Variants in VPS13D observed in about 807,000 individuals in gnomAD.
VPS13D encodes the protein intermembrane lipid transfer protein VPS13D.
VPS13D carries 187 observed loss-of-function variants against 461.9 expected under a neutral mutation model. The ratio of observed to expected loss-of-function variants is 0.40; its 90% CI spans 0.36 to 0.46. The LOEUF is 0.46. VPS13D is among the 20% of genes least tolerant of loss of function. The pLI, the probability that VPS13D is intolerant of heterozygous loss-of-function variation, is 0.60. For synonymous variants in VPS13D, 1,951 were observed against 1,986.3 expected (o/e 0.98, Z 0.47); for missense variants, 4,711 against 5,364.9 (o/e 0.88, Z 3.81).
Position 12,278,046 on chromosome 1 carries a change from G to C in VPS13D, c.4450+8G>C. The stretch of plus-strand genomic sequence containing the variant: ...CTTTGCATAGAGGTCAAGGTGAGGA[G>C]CATCAGTCTTTTGTTCTATTTTGTT... On this transcript the variant is annotated splice_region_variant and intron_variant, in intron 19 of 69. Coordinates refer to ENST00000620676, the MANE Select transcript of VPS13D (RefSeq NM_015378.4). 6.3e-7 allele frequency: 1 copy of C among 1,599,154 alleles called. No individual in the cohort carries two copies. The highest frequency in any genetic ancestry group is 8.5e-7 in the Non-Finnish European group (1 of 1,173,268).
chr1:12,330,631 G>A (rs1369896556), intron 37 of VPS13D, among the ~76,000 whole-genome samples: 1 of 151,864 alleles, frequency 6.6e-6, no homozygotes, highest in Non-Finnish European at 1.5e-5. Flanking sequence ...GCAGTGGCAC[G>A]ATCTCGGCTC....
rs766874782 is a variant in VPS13D, at chr1:12,242,623, G to A, written c.175+33G>A. 1.9e-6 allele frequency: 3 copies of A among 1,587,060 alleles called. No individual in the cohort carries two copies. In the South Asian group the frequency reaches 3.3e-5, roughly 18 times the overall value. On this transcript the variant is annotated intron_variant, in intron 3 of 69. Transcript: ENST00000620676. ...GAACTAAAGGAGGGGGAAGAAATTTGAGTCTTAAATTGTTTGAGAGGTGAA... is the reference window on the plus strand; with the variant it reads ...GAACTAAAGGAGGGGGAAGAAATTTAAGTCTTAAATTGTTTGAGAGGTGAA...
chr1:12,284,791 A>G (rs922009059), intron 21 of VPS13D, among the ~76,000 whole-genome samples: 22 of 152,208 alleles, frequency 1.4e-4, no homozygotes, highest in Admixed American at 3.9e-4. Context: ...TCCTCTAGAA[A>G]TGGAAGACAT....
intron 47 of VPS13D, among the ~76,000 whole-genome samples, chr1:12,355,040 G>A (rs891038365): frequency 6.6e-6 from 1 of 152,180 alleles, no homozygotes; most frequent in Admixed American, 6.5e-5. Context: ...AGGAAGTGAC[G>A]TACAGAAATC....
intron 35 of VPS13D, among the ~76,000 whole-genome samples, chr1:12,326,569 A>G (rs1643194432): frequency 6.6e-6 from 1 of 151,804 alleles, no homozygotes; most frequent in Non-Finnish European, 1.5e-5. Flanking sequence ...TTCCTGACCT[A>G]AAGTGATCCC....
At chr1:12,430,672 C>T (rs764697191) in intron 65 of VPS13D, among the ~76,000 whole-genome samples, 5 of 152,226 alleles carry the variant, frequency 3.3e-5, no homozygotes, top group Non-Finnish European at 5.9e-5. Flanking sequence ...ACTAAGCCTT[C>T]TCAGAGGAGA....
At chr1:12,302,527 G>A (rs1365139271) in intron 25 of VPS13D, among the ~76,000 whole-genome samples, 1 of 152,158 alleles carries the variant, frequency 6.6e-6, no homozygotes, top group African/African-American at 2.4e-5. Flanking sequence ...AGAGTTTGTA[G>A]TGTTTTAATG....
Position 12,308,511 on chromosome 1 carries a change from G to C in VPS13D, c.6520G>C (p.Glu2174Gln). ...DIFAAERHPR[E>Q]YSKAPEDSSG... ...CTTTGCTGCAGAGAGACATCCGAGA[G>C]AATACTCGAAGGCACCAGAGGATAG... Residue 2174 changes from glutamate to glutamine, a missense_variant, in exon 27 of 70, where the codon GAA becomes CAA. Glu to Gln is a conservative substitution (Grantham distance 29). Coordinates refer to ENST00000620676, the MANE Select transcript of VPS13D (RefSeq NM_015378.4). 1 of 1,614,124 alleles carries C rather than the reference G, an allele frequency of 6.2e-7. No individual in the cohort carries two copies. The highest frequency in any genetic ancestry group is 8.5e-7 in the Non-Finnish European group (1 of 1,180,020).
At chr1:12,385,866 C>T (rs1644344267) in intron 59 of VPS13D, among the ~76,000 whole-genome samples, 1 of 152,180 alleles carries the variant, frequency 6.6e-6, no homozygotes, top group South Asian at 2.1e-4. Flanking sequence ...TATGAGCTTT[C>T]ATCCCAAATA....
chr1:12,503,848 G>T (rs192850862), intron 68 of VPS13D, among the ~76,000 whole-genome samples: 41 of 152,330 alleles, frequency 2.7e-4, no homozygotes, highest in Admixed American at 2.0e-3. Flanking sequence ...AGAGCCTGGG[G>T]TTGAGACTAC....
rs1557705342 is a variant in VPS13D at position 12,317,396 on chromosome 1, A to G, written c.7149-676A>G. Among the ~76,000 whole-genome samples the G allele has an allele frequency of 2.6e-5, 4 of 152,116 alleles. No homozygotes were observed. In the South Asian group the frequency reaches 8.3e-4, roughly 32 times the overall value. ...TATTTAAGTCTGCGTCTCTGACTTC[A>G]AAGCCTGTGCTCTTTATCATACCAG... On this transcript the variant is annotated intron_variant, in intron 30 of 69. Coordinates refer to ENST00000620676, the MANE Select transcript of VPS13D (RefSeq NM_015378.4).
chr1:12,363,818 T>C (rs956114815), intron 52 of VPS13D, among the ~76,000 whole-genome samples: 6 of 151,474 alleles, frequency 4.0e-5, no homozygotes, highest in African/African-American at 1.5e-4. Flanking sequence ...CTGGGCGTGG[T>C]GGTGTGTGGC....
At chr1:12,481,440 GTAGAGGCAAGACC>G (rs1292714469) in intron 67 of VPS13D, among the ~76,000 whole-genome samples, 4 of 152,166 alleles carry the variant, frequency 2.6e-5, no homozygotes, top group Admixed American at 1.3e-4. Flanking sequence ...TTCCAGGCTT[GTAGAGGCAAGACC>G]TACAGTCCAG....
chr1:12,492,671 G>A lies in VPS13D; in HGVS notation c.12663-4829G>A, dbSNP rs149568366. Among the ~76,000 whole-genome samples, 240 of 152,336 alleles carry A rather than the reference G, an allele frequency of 1.6e-3. 1 individual carries two copies. The highest frequency in any genetic ancestry group is 3.0e-3 in the Non-Finnish European group (204 of 68,032). ...TAGATAGATTCTCAAAGTTCACCAG[G>A]AAACACGTACAGGAATGTTCATAAT... On this transcript the variant is annotated intron_variant, in intron 67 of 69. Coordinates refer to ENST00000620676, the MANE Select transcript of VPS13D (RefSeq NM_015378.4).
intron 36 of VPS13D, among the ~76,000 whole-genome samples, chr1:12,329,108 T>C (rs1331913595): frequency 6.6e-6 from 1 of 152,232 alleles, no homozygotes; most frequent in East Asian, 1.9e-4. Flanking sequence ...GATTTCTTAT[T>C]TTTCTATGTC....
At chr1:12,450,355 T>C (rs891971082) in intron 65 of VPS13D, among the ~76,000 whole-genome samples, 1 of 152,150 alleles carries the variant, frequency 6.6e-6, no homozygotes, top group Non-Finnish European at 1.5e-5. Flanking sequence ...AATTTATGAG[T>C]TCAGACATAG....
At chr1:12,414,377 A>G (rs766080748) in intron 63 of VPS13D, among the ~76,000 whole-genome samples, 1 of 152,130 alleles carries the variant, frequency 6.6e-6, no homozygotes, top group Non-Finnish European at 1.5e-5. Context: ...ACTTTTCATC[A>G]ACAATGGTGG....
At chr1:12,346,871 AAGG>A (rs1465491548) in intron 44 of VPS13D, among the ~76,000 whole-genome samples, 3 of 152,224 alleles carry the variant, frequency 2.0e-5, no homozygotes, top group African/African-American at 7.2e-5. Context: ...TATTACAGGG[AAGG>A]AGAAGGAAAA....
At chr1:12,384,810 A>G (rs1644329689) in intron 58 of VPS13D, among the ~76,000 whole-genome samples, 1 of 152,100 alleles carries the variant, frequency 6.6e-6, no homozygotes, top group African/African-American at 2.4e-5. Context: ...TTGTGGAGAT[A>G]GGGTCTCGCT....
Sources: gnomAD v4.1 joint callset for allele counts (sites outside exome capture counted in the v4.1 genomes callset) on GRCh38, gnomAD v4.1.1 for gene constraint, MANE v1.5 for transcripts, NCBI Gene and HGNC (gene_info 2026-07-23, HGNC 2026-07-21) for gene names.